Variants in PARD3B observed in about 807,000 individuals in gnomAD.
PARD3B encodes the protein par-3 family cell polarity regulator beta, also known as partitioning defective 3 homolog B.
A neutral mutation model predicts 130.2 loss-of-function variants in PARD3B; 103 were observed. The ratio of observed to expected loss-of-function variants is 0.79; its 90% CI spans 0.67 to 0.93. The LOEUF (loss-of-function observed/expected upper bound fraction) is 0.93, where lower values mean the gene tolerates loss of function less well. PARD3B is among the 40% of genes least tolerant of loss of function. The pLI is 0.00. For missense variants in PARD3B, 1,609 were observed against 1,499.2 expected, an observed-to-expected ratio of 1.07 and a Z score of -1.21; for synonymous variants, 583 against 553.2, an observed-to-expected ratio of 1.05 and a Z score of -0.76.
rs1412121057 is a variant in PARD3B at position 205,253,502 on chromosome 2, C to T, written c.2185+7680C>T. The T allele has an allele frequency of 1.3e-5, 7 of 554,734 alleles. No individual in the cohort carries two copies. The highest frequency in any genetic ancestry group is 5.7e-5 in the African/African-American group (3 of 52,586). The allele number at this position is 554,734 out of a possible 1,614,324, so 34.4% of individuals were successfully genotyped here. Reference sequence around the variant, plus strand: ...CAAACTTGGCGGGCACTGGAAGTACCTGGGGAAGCAGGAGAGACTCACACT... The same window carrying T: ...CAAACTTGGCGGGCACTGGAAGTACTTGGGGAAGCAGGAGAGACTCACACT... On this transcript the variant is annotated intron_variant, in intron 16 of 22. Transcript: ENST00000406610. This position sits in a 1 kb window ranked among gnomAD's most constrained non-coding sequence, Gnocchi z 4.4.
Position 205,268,637 on chromosome 2 carries a change from T to C in PARD3B, c.2185+22815T>C, listed in dbSNP as rs116839515. Among the ~76,000 whole-genome samples, 1,029 of 152,228 alleles carry C rather than the reference T, an allele frequency of 6.8e-3. 13 individuals are homozygous for C. Among genetic ancestry groups the C allele is most frequent in the African/African-American group, 0.024 (978 of 41,524 alleles). On this transcript the variant is annotated intron_variant, in intron 16 of 22. Coordinates refer to ENST00000406610, the MANE Select transcript of PARD3B (RefSeq NM_001302769.2). The surrounding 1 kb of genome is among the most constrained non-coding windows in gnomAD (Gnocchi z 4.1). ...TGCAGATAAAAAGTAAAAATACAGG[T>C]CTGGAAGTGGTATATTTAAAATTTT...
intron 22 of PARD3B, among the ~76,000 whole-genome samples, chr2:205,604,881 A>T (rs1473081026): frequency 2.6e-5 from 4 of 152,168 alleles, no homozygotes; most frequent in African/African-American, 7.2e-5. Flanking sequence ...ATAATCCCAT[A>T]GTTCTCAGGG....
At chr2:205,401,798 T>C (rs367998755) in intron 19 of PARD3B, among the ~76,000 whole-genome samples, 51 of 152,312 alleles carry the variant, frequency 3.3e-4, no homozygotes, top group African/African-American at 1.2e-3. Context: ...TGTAATTGAA[T>C]GTTCATATTT....
chr2:205,010,993 T>C (rs1695664818), intron 3 of PARD3B, among the ~76,000 whole-genome samples: 2 of 152,224 alleles, frequency 1.3e-5, no homozygotes, highest in South Asian at 4.1e-4. Flanking sequence ...TATGTTTATA[T>C]TTAAGAAGGA....
intron 1 of PARD3B, among the ~76,000 whole-genome samples, chr2:204,668,179 A>G (rs1559043518): frequency 6.6e-6 from 1 of 152,172 alleles, no homozygotes; most frequent in Non-Finnish European, 1.5e-5. Context: ...TATTTTCCCC[A>G]TGGTGAGCAT....
intron 1 of PARD3B, among the ~76,000 whole-genome samples, chr2:204,549,892 A>G (rs2030314987): frequency 6.6e-6 from 1 of 150,890 alleles, no homozygotes; most frequent in Non-Finnish European, 1.5e-5. Context: ...ATTGTTTTTC[A>G]AAATGAATTT....
chr2:205,465,991 G>A (rs1365619655), intron 20 of PARD3B, among the ~76,000 whole-genome samples: 1 of 152,186 alleles, frequency 6.6e-6, no homozygotes, highest in African/African-American at 2.4e-5. Flanking sequence ...AGCTGTGACA[G>A]AGAAGTGTAT....
chr2:205,087,928 T>A (rs1313891947), intron 4 of PARD3B, among the ~76,000 whole-genome samples: 1 of 152,148 alleles, frequency 6.6e-6, no homozygotes, highest in East Asian at 1.9e-4. Flanking sequence ...AAAAAAATAC[T>A]TAAAGTGCAT....
At chr2:204,815,216 T>A (rs891732610) in intron 2 of PARD3B, among the ~76,000 whole-genome samples, 2 of 151,900 alleles carry the variant, frequency 1.3e-5, no homozygotes, top group Non-Finnish European at 2.9e-5. Context: ...ATATATGGGA[T>A]TATTCAGGTT....
rs2039929336 is a variant in PARD3B, at chr2:205,253,138, G to C, written c.2185+7316G>C. Among the ~76,000 whole-genome samples the C allele has an allele frequency of 6.6e-6, 1 of 152,110 alleles. No homozygotes were observed. Among genetic ancestry groups the C allele is most frequent in the South Asian group, 2.1e-4 (1 of 4,828 alleles). ...TCTCCAGGTATACTGGAATTTGCTG[G>C]TATCTCCAGTGTTTGGGTTTAGCTC... On this transcript the variant is annotated intron_variant, in intron 16 of 22. Coordinates refer to ENST00000406610, the MANE Select transcript of PARD3B (RefSeq NM_001302769.2). This position sits in a 1 kb window ranked among gnomAD's most constrained non-coding sequence, Gnocchi z 4.4.
intron 15 of PARD3B, among the ~76,000 whole-genome samples, chr2:205,202,529 A>C (rs896442967): frequency 6.6e-6 from 1 of 152,234 alleles, no homozygotes; most frequent in Non-Finnish European, 1.5e-5. Flanking sequence ...AGACTTGTCT[A>C]AAAGTTGTGG....
chr2:204,736,477 C>T (rs2039760600), intron 2 of PARD3B, among the ~76,000 whole-genome samples: 2 of 152,018 alleles, frequency 1.3e-5, no homozygotes, highest in Admixed American at 6.6e-5. Flanking sequence ...ACTCTGCATG[C>T]CTTTGCGTAC....
At chr2:205,508,170 T>G (rs1451322893) in intron 21 of PARD3B, among the ~76,000 whole-genome samples, 1 of 152,232 alleles carries the variant, frequency 6.6e-6, no homozygotes, top group Non-Finnish European at 1.5e-5. Context: ...TTTCTTTACA[T>G]AGAGTTGCTC....
At chr2:205,490,007 T>G (rs572251717) in intron 20 of PARD3B, among the ~76,000 whole-genome samples, 17 of 152,286 alleles carry the variant, frequency 1.1e-4, no homozygotes, top group African/African-American at 4.1e-4. Flanking sequence ...GGAAGTTGCC[T>G]TCGTGAATCA....
chr2:205,189,685 C>T (rs2036289250), intron 14 of PARD3B, among the ~76,000 whole-genome samples: 1 of 152,216 alleles, frequency 6.6e-6, no homozygotes, highest in Admixed American at 6.5e-5. Context: ...ACTAGTCTAA[C>T]TTACATGTCT....
chr2:205,587,702 ATCT>A (rs775590157), intron 22 of PARD3B, among the ~76,000 whole-genome samples: 1 of 152,134 alleles, frequency 6.6e-6, no homozygotes, highest in Non-Finnish European at 1.5e-5. Context: ...GAGTTTTAAA[ATCT>A]TCTTCTACCA....
chr2:204,597,274 C>G (rs1371787336), intron 1 of PARD3B, among the ~76,000 whole-genome samples: 1 of 151,070 alleles, frequency 6.6e-6, no homozygotes, highest in African/African-American at 2.4e-5. Flanking sequence ...TTTTTGGTAG[C>G]GATCTTAATG....
At chr2:205,508,874 A>G (rs1475676481) in intron 21 of PARD3B, among the ~76,000 whole-genome samples, 1 of 152,218 alleles carries the variant, frequency 6.6e-6, no homozygotes, top group South Asian at 2.1e-4. Context: ...TGCCACTGGA[A>G]GAGTTGAGAT....
At chr2:205,055,973 A>G (rs1699603645) in intron 4 of PARD3B, among the ~76,000 whole-genome samples, 1 of 152,138 alleles carries the variant, frequency 6.6e-6, no homozygotes, top group African/African-American at 2.4e-5. Flanking sequence ...TAAAGTACAT[A>G]TAGTCATGTT....
Sources: allele counts gnomAD v4.1 joint callset (sites outside exome capture counted in the v4.1 genomes callset), GRCh38; gene constraint gnomAD v4.1.1; non-coding constraint Gnocchi (gnomAD v3.1); transcripts MANE v1.5; gene names NCBI Gene and HGNC (gene_info 2026-07-23, HGNC 2026-07-21).